The following ERBB4 variants were observed in gnomAD, a reference collection of about 807,000 sequenced individuals.
ERBB4 encodes receptor tyrosine-protein kinase erbB-4.
A neutral mutation model predicts 158.0 loss-of-function variants in ERBB4; 42 were observed. The observed-to-expected ratio is 0.27, with a 90% CI of 0.21 to 0.34. The LOEUF (loss-of-function observed/expected upper bound fraction) is 0.34. ERBB4 is among the 10% of genes least tolerant of loss of function. The pLI is 1.00. For synonymous variants in ERBB4, 583 were observed against 558.7 expected (o/e 1.04, Z -0.61); for missense variants, 1,333 against 1,624.1 (o/e 0.82, Z 3.08).
At chr2:211,638,581 T>C (rs1228933462) in intron 16 of ERBB4, among the ~76,000 whole-genome samples, 1 of 152,166 alleles carries the variant, frequency 6.6e-6, no homozygotes, top group Non-Finnish European at 1.5e-5. Context: ...TGACCAAAAC[T>C]GTAAGTGCTG....
At chr2:212,032,337 C>T (rs1170275870) in intron 2 of ERBB4, among the ~76,000 whole-genome samples, 1 of 152,056 alleles carries the variant, frequency 6.6e-6, no homozygotes, top group Admixed American at 6.6e-5. Context: ...AGTTAATTTG[C>T]CACTCCTTTT....
chr2:212,304,003 C>T (rs1228793153), intron 1 of ERBB4, among the ~76,000 whole-genome samples: 1 of 151,520 alleles, frequency 6.6e-6, no homozygotes, highest in Admixed American at 6.6e-5. Flanking sequence ...AATATACTAT[C>T]TTCCTTCTTT....
At chr2:212,447,124 G>T (rs1215848051) in intron 1 of ERBB4, among the ~76,000 whole-genome samples, 1 of 151,636 alleles carries the variant, frequency 6.6e-6, no homozygotes, top group Non-Finnish European at 1.5e-5. Context: ...AGCCTCCCAA[G>T]TAGCTGGGAC....
At chr2:212,448,469 T>C (rs1466144346) in intron 1 of ERBB4, among the ~76,000 whole-genome samples, 2 of 152,202 alleles carry the variant, frequency 1.3e-5, no homozygotes, top group Non-Finnish European at 2.9e-5. Flanking sequence ...ATAAACTGTA[T>C]TCAGCCATGT....
chr2:212,403,883 C>T (rs1314804433), intron 1 of ERBB4, among the ~76,000 whole-genome samples: 1 of 151,852 alleles, frequency 6.6e-6, no homozygotes. Flanking sequence ...TAAAATAAAC[C>T]AAATTTTAAC....
Position 211,555,262 on chromosome 2 carries a change from C to T in ERBB4, c.2487+6641G>A, listed in dbSNP as rs111992782. Among the ~76,000 whole-genome samples the T allele has an allele frequency of 8.9e-3, 1,351 of 152,100 alleles. 21 individuals are homozygous for T. The highest frequency in any genetic ancestry group is 0.03 in the African/African-American group (1,249 of 41,512). On this transcript the variant is annotated intron_variant, in intron 20 of 27. Transcript: ENST00000342788. ...GTGCAATGGCACGATCTCGGCTCAC[C>T]GCAACCTCTACCTCCCAGGTTCAAG...
chr2:211,987,731 C>T (rs192503803), intron 2 of ERBB4, among the ~76,000 whole-genome samples: 181 of 152,202 alleles, frequency 1.2e-3, no homozygotes, highest in African/African-American at 4.2e-3. Context: ...TCATTTATTT[C>T]CAATACTCAC....
chr2:211,550,031 T>C (rs1185565349), intron 20 of ERBB4, among the ~76,000 whole-genome samples: 1 of 152,148 alleles, frequency 6.6e-6, no homozygotes, highest in African/African-American at 2.4e-5. Context: ...TGGGGTATGA[T>C]TGACAAATAA....
At chr2:212,529,816 G>A (rs538942145) in intron 1 of ERBB4, among the ~76,000 whole-genome samples, 30 of 152,196 alleles carry the variant, frequency 2.0e-4, no homozygotes, top group Admixed American at 1.5e-3. Context: ...TAACAAAGAC[G>A]TATAATTTAA....
intron 1 of ERBB4, among the ~76,000 whole-genome samples, chr2:212,423,394 G>A (rs2105912582): frequency 6.6e-6 from 1 of 152,310 alleles, no homozygotes; most frequent in East Asian, 1.9e-4. Context: ...TGAGCTGAAA[G>A]AAGACCATGT....
chr2:212,025,382 T>C (rs1048525132), intron 2 of ERBB4, among the ~76,000 whole-genome samples: 1 of 151,828 alleles, frequency 6.6e-6, no homozygotes, highest in African/African-American at 2.4e-5. Flanking sequence ...GAAAATGATT[T>C]CAATAGTTGT....
chr2:211,510,746 A>G (rs1057498097), intron 20 of ERBB4, among the ~76,000 whole-genome samples: 2 of 152,060 alleles, frequency 1.3e-5, no homozygotes, highest in African/African-American at 4.8e-5. Context: ...TGCTTCAATG[A>G]CTGTGCATTT....
chr2:212,242,440 T>A (rs1393397653), intron 1 of ERBB4, among the ~76,000 whole-genome samples: 1 of 152,142 alleles, frequency 6.6e-6, no homozygotes, highest in Non-Finnish European at 1.5e-5. Flanking sequence ...AAGATAATAA[T>A]GGTAATTATA....
chr2:212,365,792 T>G (rs1410393192), intron 1 of ERBB4, among the ~76,000 whole-genome samples: 1 of 151,780 alleles, frequency 6.6e-6, no homozygotes, highest in East Asian at 1.9e-4. Context: ...CACAAAGAAC[T>G]ACAAAAGTTC....
At chr2:212,010,682 G>T (rs1254977294) in intron 2 of ERBB4, among the ~76,000 whole-genome samples, 3 of 152,122 alleles carry the variant, frequency 2.0e-5, no homozygotes, top group African/African-American at 7.2e-5. Flanking sequence ...GGGTTCGAGA[G>T]CAGAGAACCA....
intron 2 of ERBB4, among the ~76,000 whole-genome samples, chr2:212,064,714 G>A (rs927347197): frequency 6.6e-6 from 1 of 152,076 alleles, no homozygotes; most frequent in Non-Finnish European, 1.5e-5. Flanking sequence ...TAGGTAAACT[G>A]TCATTTGAAA....
intron 21 of ERBB4, among the ~76,000 whole-genome samples, chr2:211,429,397 G>A (rs2063703823): frequency 6.6e-6 from 1 of 151,934 alleles, no homozygotes; most frequent in Non-Finnish European, 1.5e-5. Flanking sequence ...TCTCATCTTG[G>A]TTAGCCAGTA....
chr2:211,966,269 T>G (rs1419478502), intron 2 of ERBB4, among the ~76,000 whole-genome samples: 1 of 151,912 alleles, frequency 6.6e-6, no homozygotes, highest in Admixed American at 6.6e-5. Context: ...TGAGACGGAG[T>G]CTAGCTCTGT....
intron 1 of ERBB4, among the ~76,000 whole-genome samples, chr2:212,359,934 G>A (rs937039405): frequency 6.6e-6 from 1 of 151,258 alleles, no homozygotes; most frequent in Non-Finnish European, 1.5e-5. Flanking sequence ...GCTTTCCACT[G>A]AAGTCAAACG....
Sources: gnomAD v4.1 joint callset for allele counts (sites outside exome capture counted in the v4.1 genomes callset) on GRCh38, gnomAD v4.1.1 for gene constraint, MANE v1.5 for transcripts, NCBI Gene and HGNC (gene_info 2026-07-23, HGNC 2026-07-21) for gene names.